Variants in KLHL1 observed in about 807,000 individuals in gnomAD.
KLHL1 encodes kelch like family member 1.
A neutral mutation model predicts 77.7 loss-of-function variants in KLHL1; 47 were observed. That is an observed-to-expected ratio of 0.60 (90% CI 0.48 to 0.77). KLHL1 has a LOEUF of 0.77. KLHL1 is among the 30% of genes least tolerant of loss of function. The pLI is 0.00. For missense variants in KLHL1, 925 were observed against 910.8 expected, an observed-to-expected ratio of 1.02 and a Z score of -0.20; for synonymous variants, 360 against 325.2, an observed-to-expected ratio of 1.11 and a Z score of -1.15.
intron 3 of KLHL1, among the ~76,000 whole-genome samples, chr13:69,945,340 T>A (rs1319036330): frequency 6.6e-6 from 1 of 151,958 alleles, no homozygotes; most frequent in South Asian, 2.1e-4. Context: ...AAAAACATAA[T>A]TTCTCAAAGA....
chr13:69,705,158 T>C (rs772499424), intron 10 of KLHL1, among the ~76,000 whole-genome samples: 1 of 151,672 alleles, frequency 6.6e-6, no homozygotes, highest in Non-Finnish European at 1.5e-5. Flanking sequence ...AAAGGGCAAT[T>C]TTACTTAGGC....
At chr13:69,988,415 C>A (rs1168266775) in intron 1 of KLHL1, among the ~76,000 whole-genome samples, 1 of 152,012 alleles carries the variant, frequency 6.6e-6, no homozygotes, top group African/African-American at 2.4e-5. Context: ...AATAGTGCTG[C>A]AATAAACATA....
At chr13:69,915,687 G>A (rs920150050) in intron 4 of KLHL1, among the ~76,000 whole-genome samples, 3 of 151,976 alleles carry the variant, frequency 2.0e-5, no homozygotes, top group African/African-American at 7.3e-5. Flanking sequence ...GCATGGGCAA[G>A]GACTTCATGT....
At position 69,920,374 on chromosome 13, in the gene KLHL1, A is replaced by T. The variant is rs77352484; in HGVS notation, c.1014+19666T>A. Among the ~76,000 whole-genome samples the T allele has an allele frequency of 8.5e-3, 1,294 of 152,280 alleles. 10 individuals carry two copies. The highest frequency in any genetic ancestry group is 0.028 in the African/African-American group (1,183 of 41,562). ...AAGCATTAATCCATTTGTGGTTCAC[A>T]GTGCTATTTTAAGAAATATTTAGGC... On this transcript the variant is annotated intron_variant, in intron 4 of 10. Transcript: ENST00000377844.
At chr13:69,944,950 T>C (rs369987972) in intron 3 of KLHL1, among the ~76,000 whole-genome samples, 1 of 149,758 alleles carries the variant, frequency 6.7e-6, no homozygotes, top group Non-Finnish European at 1.5e-5. Context: ...ATCACGAAGC[T>C]AAATTCAAAC....
chr13:69,882,606 A>G, intron 4 of KLHL1, 111 bp from the exon 5 acceptor site: 1 of 694,716 alleles, frequency 1.4e-6, no homozygotes, highest in East Asian at 2.7e-5. Context: ...TTATAACATA[A>G]TCCTTGAGAC....
intron 5 of KLHL1, among the ~76,000 whole-genome samples, chr13:69,851,082 C>CG (rs1879668239): frequency 1.1e-4 from 1 of 9,406 alleles, no homozygotes; most frequent in Admixed American, 1.3e-3. Context: ...ACTTAGTAGT[C>CG]ACAACTGAAA....
chr13:69,913,830 T>C (rs1190404393), intron 4 of KLHL1, among the ~76,000 whole-genome samples: 2 of 152,158 alleles, frequency 1.3e-5, no homozygotes, highest in Non-Finnish European at 2.9e-5. Flanking sequence ...GAGTGTCAGC[T>C]TGATTAGATT....
intron 1 of KLHL1, among the ~76,000 whole-genome samples, chr13:70,018,801 C>A (rs530209381): frequency 1.3e-5 from 2 of 152,050 alleles, no homozygotes; most frequent in South Asian, 4.2e-4. Flanking sequence ...ATGGTTAGAA[C>A]AAAGTTACTT....
At chr13:69,919,576 TG>T (rs1457168909) in intron 4 of KLHL1, among the ~76,000 whole-genome samples, 1 of 152,086 alleles carries the variant, frequency 6.6e-6, no homozygotes, top group East Asian at 1.9e-4. Context: ...TCCAAGTAAA[TG>T]GAGTCCCTGA....
chr13:69,853,103 T>G (rs1879757472), intron 5 of KLHL1, among the ~76,000 whole-genome samples: 1 of 151,970 alleles, frequency 6.6e-6, no homozygotes, highest in Non-Finnish European at 1.5e-5. Context: ...ACAACCTAGT[T>G]TTCAGTTGGT....
chr13:69,898,128 CAAG>C (rs1294972984), intron 4 of KLHL1, among the ~76,000 whole-genome samples: 5 of 152,158 alleles, frequency 3.3e-5, no homozygotes, highest in Non-Finnish European at 5.9e-5. Flanking sequence ...ATGATATCTC[CAAG>C]AAGGAGATTA....
At chr13:69,793,974 G>C (rs909178697) in intron 7 of KLHL1, among the ~76,000 whole-genome samples, 4 of 152,124 alleles carry the variant, frequency 2.6e-5, no homozygotes, top group African/African-American at 9.7e-5. Flanking sequence ...TGATACATCA[G>C]TGTCAGTGCA....
chr13:69,736,713 G>A (rs1217673788), intron 8 of KLHL1, among the ~76,000 whole-genome samples: 4 of 149,598 alleles, frequency 2.7e-5, no homozygotes, highest in African/African-American at 9.7e-5. Flanking sequence ...CACACACCAT[G>A]GAATACTACT....
intron 9 of KLHL1, among the ~76,000 whole-genome samples, chr13:69,709,266 TCTC>T (rs1295936185): frequency 6.6e-6 from 1 of 151,918 alleles, no homozygotes; most frequent in Non-Finnish European, 1.5e-5. Flanking sequence ...GCCATCAAAA[TCTC>T]CTTTAAAAAT....
At chr13:70,036,527 G>A (rs997381012) in intron 1 of KLHL1, among the ~76,000 whole-genome samples, 1 of 151,786 alleles carries the variant, frequency 6.6e-6, no homozygotes, top group Non-Finnish European at 1.5e-5. Context: ...ATGTGTGTAT[G>A]GGTGTATATA....
chr13:70,079,382 T>C (rs867362441), intron 1 of KLHL1, among the ~76,000 whole-genome samples: 17 of 152,316 alleles, frequency 1.1e-4, no homozygotes, highest in Admixed American at 1.3e-4. Flanking sequence ...TTGTAACCCA[T>C]GGCATGTATG....
intron 1 of KLHL1, among the ~76,000 whole-genome samples, chr13:70,092,138 A>C (rs1371357279): frequency 6.6e-6 from 1 of 152,190 alleles, no homozygotes; most frequent in Non-Finnish European, 1.5e-5. Context: ...TGGCACCTTG[A>C]TTTCAGCCTA....
chr13:69,813,102 A>G (rs910049677), intron 6 of KLHL1, among the ~76,000 whole-genome samples: 1 of 152,102 alleles, frequency 6.6e-6, no homozygotes, highest in Non-Finnish European at 1.5e-5. Context: ...AGACTGGATT[A>G]AGAAAATGTG....
Sources: allele counts gnomAD v4.1 joint callset (sites outside exome capture counted in the v4.1 genomes callset), GRCh38; gene constraint gnomAD v4.1.1; transcripts MANE v1.5; gene names NCBI Gene and HGNC (gene_info 2026-07-23, HGNC 2026-07-21).